Variants in PRKCB observed in about 807,000 individuals in gnomAD.
PRKCB encodes protein kinase C beta type.
A neutral mutation model predicts 81.5 loss-of-function variants in PRKCB; 13 were observed. The ratio of observed to expected loss-of-function variants is 0.16; its 90% CI spans 0.10 to 0.25. The LOEUF is 0.25. Ranked by LOEUF, PRKCB falls within the 10% of genes least tolerant of loss-of-function variation. The pLI, the probability that PRKCB is intolerant of heterozygous loss-of-function variation, is 1.00. For missense variants in PRKCB, 509 were observed against 875.7 expected (o/e 0.58, Z 5.29); for synonymous variants, 335 against 321.4 (o/e 1.04, Z -0.45).
chr16:24,217,963 G>A lies in PRKCB; in HGVS notation c.*3147G>A. The stretch of plus-strand genomic sequence containing the variant: ...TTCCATTGTTTTGCCTCAGAGTAAA[G>A]TTTCTGGCTCGGGGACAATTATAAG... On this transcript the variant is annotated 3_prime_UTR_variant, in exon 17 of 17. Coordinates refer to ENST00000643927, the MANE Select transcript of PRKCB (RefSeq NM_002738.7). 1 of 985,382 alleles carries A rather than the reference G, an allele frequency of 1.0e-6. No homozygotes were observed. Among genetic ancestry groups the A allele is most frequent in the Non-Finnish European group, 1.2e-6 (1 of 829,924 alleles). The allele number at this position is 985,382 out of a possible 1,614,324, so 61.0% of individuals were successfully genotyped here.
At chr16:24,174,317 G>C (rs1967493540) in intron 11 of PRKCB, 1 of 539,366 alleles carries the variant, frequency 1.9e-6, no homozygotes, top group Admixed American at 3.1e-5. Flanking sequence ...CCCCCAGTTT[G>C]TCCTTAAGGC....
intron 13 of PRKCB, among the ~76,000 whole-genome samples, chr16:24,181,516 C>G (rs1435239949): frequency 6.6e-6 from 1 of 152,086 alleles, no homozygotes. Context: ...CCTGTAATCC[C>G]AGCACTTTGG....
At chr16:23,921,709 G>A (rs778361433) in intron 2 of PRKCB, among the ~76,000 whole-genome samples, 1 of 152,086 alleles carries the variant, frequency 6.6e-6, no homozygotes, top group Non-Finnish European at 1.5e-5. Context: ...GCTGAGGCAG[G>A]AGAATTGCTT....
chr16:24,191,110 C>T lies in PRKCB; in HGVS notation c.1743C>T (p.Gly581=). ...CGAAGCTGATGACCAAACACCCAGG[C>T]AAACGTCTGGGTTGTGGACCTGAAG... The part of the protein sequence containing the change: ...ICKGLMTKHP[G]KRLGCGPEGE... Residue 581 remains glycine, a synonymous_variant, in exon 16 of 17, where the codon GGC becomes GGT. Coordinates refer to ENST00000643927, the MANE Select transcript of PRKCB (RefSeq NM_002738.7). The T allele has an allele frequency of 5.6e-6, 9 of 1,613,904 alleles. No individual in the cohort carries two copies. Among genetic ancestry groups the T allele is most frequent in the Non-Finnish European group, 7.6e-6 (9 of 1,179,912 alleles).
intron 3 of PRKCB, among the ~76,000 whole-genome samples, chr16:24,010,015 A>T (rs1965180468): frequency 6.6e-6 from 1 of 152,190 alleles, no homozygotes; most frequent in Non-Finnish European, 1.5e-5. Flanking sequence ...ACAAAAACCA[A>T]AAAACAGAAT....
chr16:23,984,474 A>G (rs1216236834), intron 2 of PRKCB, among the ~76,000 whole-genome samples: 1 of 152,222 alleles, frequency 6.6e-6, no homozygotes, highest in Non-Finnish European at 1.5e-5. Context: ...AATCACAGAC[A>G]CACAGAACAA....
rs181466220 is a variant in PRKCB at position 23,922,747 on chromosome 16, A to G, written c.206-65761A>G. ...ACCCTTCCTCCAGGGCCTTAGCCAC[A>G]GTAGCTCCTGCCAGCATAACACAAT... On this transcript the variant is annotated intron_variant, in intron 2 of 16. Coordinates refer to ENST00000643927, the MANE Select transcript of PRKCB (RefSeq NM_002738.7). Among the ~76,000 whole-genome samples, 391 of 152,372 alleles carry G rather than the reference A, an allele frequency of 2.6e-3. 1 individual carries two copies. Among genetic ancestry groups the G allele is most frequent in the Middle Eastern group, 0.017 (5 of 294 alleles).
intron 2 of PRKCB, among the ~76,000 whole-genome samples, chr16:23,859,541 G>C (rs1962627133): frequency 6.6e-6 from 1 of 152,134 alleles, no homozygotes; most frequent in South Asian, 2.1e-4. Flanking sequence ...CTGTAATGGT[G>C]GAGAGGGGGG....
At chr16:24,108,996 T>C (rs1596551482) in intron 7 of PRKCB, among the ~76,000 whole-genome samples, 1 of 128,240 alleles carries the variant, frequency 7.8e-6, no homozygotes, top group Admixed American at 8.1e-5. Flanking sequence ...CCCCCCCACC[T>C]CCCTCCCGGA....
At chr16:24,100,246 T>TTTC (rs1966488836) in intron 7 of PRKCB, among the ~76,000 whole-genome samples, 1 of 151,706 alleles carries the variant, frequency 6.6e-6, no homozygotes, top group Non-Finnish European at 1.5e-5. Flanking sequence ...TTTTAAGGTT[T>TTTC]TTCTTAGATC....
chr16:23,852,904 T>C (rs2141083772), intron 2 of PRKCB, among the ~76,000 whole-genome samples: 2 of 152,364 alleles, frequency 1.3e-5, no homozygotes, highest in African/African-American at 4.8e-5. Context: ...TTACTGAGGC[T>C]GAGCCTGAGA....
At chr16:23,986,853 T>G (rs1679132654) in intron 2 of PRKCB, among the ~76,000 whole-genome samples, 1 of 152,182 alleles carries the variant, frequency 6.6e-6, no homozygotes, top group African/African-American at 2.4e-5. Context: ...GATCAATTTC[T>G]TTTTCATCTG....
At chr16:24,021,058 CCCTCCCTCCCTCCCT>C (rs1965368661) in intron 3 of PRKCB, among the ~76,000 whole-genome samples, 3 of 54,282 alleles carry the variant, frequency 5.5e-5, no homozygotes, top group Non-Finnish European at 1.1e-4. Flanking sequence ...TTCTTTCTTT[CCCTCCCTCCCTCCCT>C]TCTTTCTTTC....
intron 2 of PRKCB, among the ~76,000 whole-genome samples, chr16:23,964,674 GTTT>G (rs71381628): frequency 7.2e-6 from 1 of 138,900 alleles, no homozygotes; most frequent in Non-Finnish European, 1.6e-5. Flanking sequence ...ACCTCATGAG[GTTT>G]TTTTTTTTTT....
intron 2 of PRKCB, among the ~76,000 whole-genome samples, chr16:23,839,943 A>G (rs1597203633): frequency 2.6e-5 from 4 of 152,182 alleles, no homozygotes; most frequent in Non-Finnish European, 4.4e-5. Flanking sequence ...TTGCTTTGCT[A>G]TGGAACTGCC....
At chr16:23,844,216 A>T (rs1456053609) in intron 2 of PRKCB, among the ~76,000 whole-genome samples, 1 of 152,246 alleles carries the variant, frequency 6.6e-6, no homozygotes, top group Non-Finnish European at 1.5e-5. Flanking sequence ...CTCTAATAAC[A>T]TGAATTCTTT....
chr16:24,079,238 CT>C (rs1301977577), intron 5 of PRKCB, among the ~76,000 whole-genome samples: 2 of 152,208 alleles, frequency 1.3e-5, no homozygotes, highest in Non-Finnish European at 2.9e-5. Context: ...CGGACTCAGC[CT>C]GCCTGCACCC....
At chr16:23,943,639 C>T (rs971557084) in intron 2 of PRKCB, among the ~76,000 whole-genome samples, 1 of 152,142 alleles carries the variant, frequency 6.6e-6, no homozygotes, top group Non-Finnish European at 1.5e-5. Context: ...AGACTCTGCG[C>T]CTGTACAAAT....
chr16:23,946,861 CT>C (rs10690650), intron 2 of PRKCB, among the ~76,000 whole-genome samples: 14 of 146,806 alleles, frequency 9.5e-5, no homozygotes, highest in Non-Finnish European at 9.0e-5. Flanking sequence ...TTGTCTTTGT[CT>C]TTTTTTTTTT....
Sources: gnomAD v4.1 joint callset for allele counts (sites outside exome capture counted in the v4.1 genomes callset) on GRCh38, gnomAD v4.1.1 for gene constraint, MANE v1.5 for transcripts, NCBI Gene and HGNC (gene_info 2026-07-23, HGNC 2026-07-21) for gene names.